The following ENTREP2 variants were observed in gnomAD, a reference collection of about 807,000 sequenced individuals.
The protein encoded by ENTREP2 is endosomal transmembrane epsin interactor 2.
chr15:29,560,607 G>A, the ENTREP2 span, among the ~76,000 whole-genome samples: 323 of 152,058 alleles, frequency 2.1e-3, 1 homozygote, highest in Non-Finnish European at 3.7e-3. Flanking sequence ...TTGCTGCTCC[G>A]CCACACCTCT....
the ENTREP2 span, among the ~76,000 whole-genome samples, chr15:29,133,867 C>T: frequency 5.3e-5 from 8 of 152,292 alleles, no homozygotes; most frequent in East Asian, 1.4e-3. Context: ...GGTCAACACC[C>T]ATGCACACTC....
chr15:29,117,827 C>G, the ENTREP2 span: 2 of 138,400 alleles, frequency 1.4e-5, no homozygotes, highest in Non-Finnish European at 2.9e-5. Flanking sequence ...CTGCCTCTCC[C>G]GTCGTCTCTT....
At chr15:29,405,812 G>A in the ENTREP2 span, among the ~76,000 whole-genome samples, 6 of 152,240 alleles carry the variant, frequency 3.9e-5, no homozygotes, top group African/African-American at 1.4e-4. Flanking sequence ...GCCCACCTCC[G>A]GGCGGGAGAC....
the ENTREP2 span, among the ~76,000 whole-genome samples, chr15:29,488,794 G>A: frequency 6.6e-6 from 1 of 152,176 alleles, no homozygotes; most frequent in South Asian, 2.1e-4. Flanking sequence ...CAGGATGGGG[G>A]TGATGCTTCC....
At chr15:29,365,839 C>T in the ENTREP2 span, among the ~76,000 whole-genome samples, 2 of 152,074 alleles carry the variant, frequency 1.3e-5, no homozygotes, top group Non-Finnish European at 1.5e-5. Context: ...CAGAAGACGA[C>T]ACCTTTGTTG....
At chr15:29,448,351 T>TA in the ENTREP2 span, among the ~76,000 whole-genome samples, 1 of 152,184 alleles carries the variant, frequency 6.6e-6, no homozygotes, top group East Asian at 1.9e-4. Flanking sequence ...CCCTGGCAGA[T>TA]ATCTCCCAAA....
the ENTREP2 span, among the ~76,000 whole-genome samples, chr15:29,624,871 T>TGTGTG: frequency 2.1e-5 from 3 of 143,624 alleles, no homozygotes; most frequent in Non-Finnish European, 3.0e-5. Context: ...CTGCATTAAT[T>TGTGTG]TGTGTGTGTG....
chr15:29,438,583 C>G, the ENTREP2 span, among the ~76,000 whole-genome samples: 6 of 151,968 alleles, frequency 3.9e-5, no homozygotes, highest in African/African-American at 1.4e-4. Flanking sequence ...CTTGTGATGT[C>G]CTCCTTAAAG....
chr15:29,644,198 T>C, the ENTREP2 span, among the ~76,000 whole-genome samples: 3 of 152,196 alleles, frequency 2.0e-5, no homozygotes, highest in East Asian at 5.8e-4. Context: ...GACCATATGT[T>C]CTATGATTTT....
the ENTREP2 span, among the ~76,000 whole-genome samples, chr15:29,609,171 C>G: frequency 6.7e-6 from 1 of 150,070 alleles, no homozygotes; most frequent in East Asian, 2.0e-4. Flanking sequence ...GTTTTGCTGC[C>G]TAGTTTCTGT....
At chr15:29,212,517 G>A in the ENTREP2 span, among the ~76,000 whole-genome samples, 2 of 151,756 alleles carry the variant, frequency 1.3e-5, no homozygotes, top group South Asian at 4.1e-4. Flanking sequence ...CTTTTTCTGG[G>A]TTTGTTATTT....
chr15:29,600,467 CATCA>C, the ENTREP2 span, among the ~76,000 whole-genome samples: 35 of 151,914 alleles, frequency 2.3e-4, no homozygotes, highest in African/African-American at 8.2e-4. Context: ...TCATCATCAT[CATCA>C]ATCATCATCA....
chr15:29,150,858 C>T, the ENTREP2 span, among the ~76,000 whole-genome samples: 2 of 151,814 alleles, frequency 1.3e-5, no homozygotes, highest in Non-Finnish European at 2.9e-5. Context: ...TAAATCATTG[C>T]GTGGGAAGCA....
chr15:29,629,305 A>C, the ENTREP2 span, among the ~76,000 whole-genome samples: 2 of 152,154 alleles, frequency 1.3e-5, no homozygotes, highest in Non-Finnish European at 2.9e-5. Context: ...AAAAATAATT[A>C]TTAATCGATT....
chr15:29,173,491 G>T, the ENTREP2 span, among the ~76,000 whole-genome samples: 1 of 152,186 alleles, frequency 6.6e-6, no homozygotes, highest in African/African-American at 2.4e-5. Context: ...TCTCATCTGT[G>T]AGGGGATGAC....
the ENTREP2 span, among the ~76,000 whole-genome samples, chr15:29,543,611 T>A: frequency 0.44 from 66,019 of 151,680 alleles, 15,178 homozygotes; most frequent in African/African-American, 0.6. Context: ...AAACCCTGTC[T>A]TTACTAAAAA....
At chr15:29,233,899 T>C in the ENTREP2 span, 1 of 1,577,972 alleles carries the variant, frequency 6.3e-7, no homozygotes, top group Non-Finnish European at 8.7e-7. Flanking sequence ...TTGTAGAGGA[T>C]GTAGATGGCT....
At chr15:29,483,411 C>A in the ENTREP2 span, among the ~76,000 whole-genome samples, 1 of 152,162 alleles carries the variant, frequency 6.6e-6, no homozygotes, top group Non-Finnish European at 1.5e-5. Context: ...ATCACCAAAC[C>A]TAGGGTCATT....
chr15:29,381,946 C>A, the ENTREP2 span: 8 of 927,156 alleles, frequency 8.6e-6, no homozygotes, highest in Admixed American at 8.4e-5. Flanking sequence ...AGCACACACA[C>A]AGTGGCGGGG....
Sources: gnomAD v4.1 joint callset for allele counts (sites outside exome capture counted in the v4.1 genomes callset) on GRCh38, gnomAD v4.1.1 for gene constraint, MANE v1.5 for transcripts, NCBI Gene and HGNC (gene_info 2026-07-23, HGNC 2026-07-21) for gene names.